NKAIN3: variants seen among roughly 807,000 people sequenced by gnomAD.
The protein encoded by NKAIN3 is sodium/potassium-transporting ATPase subunit beta-1-interacting protein 3.
Under a neutral mutation model 30.2 loss-of-function variants are expected in NKAIN3, and 25 were observed. The ratio of observed to expected loss-of-function variants is 0.83; its 90% confidence interval spans 0.60 to 1.16. NKAIN3 has a LOEUF of 1.16. NKAIN3 is among the 50% of genes most tolerant of loss of function. The pLI, the probability that NKAIN3 is intolerant of heterozygous loss-of-function variation, is 0.00. For synonymous variants in NKAIN3, 91 were observed against 89.6 expected (o/e 1.02, Z -0.09); for missense variants, 225 against 254.1 (o/e 0.89, Z 0.78).
At position 62,326,075 on chromosome 8, in the gene NKAIN3, T is replaced by C. The variant is rs1815113456; in HGVS notation, c.54+76948T>C. On this transcript the variant is annotated intron_variant, in intron 1 of 6. Transcript: ENST00000623646. ...GTTACATTTATTATTAATTTTGCTA[T>C]ATTTATTTTTGTTACATTTATTGAA... Among the ~76,000 whole-genome samples, 4 of 151,972 alleles carry C rather than the reference T, an allele frequency of 2.6e-5. No homozygotes were observed. In the South Asian group the frequency reaches 8.3e-4, roughly 31 times the overall value.
At chr8:62,814,423 T>G (rs1372208825) in intron 4 of NKAIN3, among the ~76,000 whole-genome samples, 3 of 151,980 alleles carry the variant, frequency 2.0e-5, no homozygotes, top group Non-Finnish European at 2.9e-5. Context: ...ATCAACAGAA[T>G]ATACATTTTT....
intron 1 of NKAIN3, among the ~76,000 whole-genome samples, chr8:62,261,293 T>C (rs1812432233): frequency 6.6e-6 from 1 of 152,240 alleles, no homozygotes; most frequent in Admixed American, 6.5e-5. Flanking sequence ...TTAAATCCTT[T>C]GGTTTTAATA....
chr8:62,962,376 A>T (rs1326904800), intron 6 of NKAIN3, among the ~76,000 whole-genome samples: 2 of 152,226 alleles, frequency 1.3e-5, no homozygotes, highest in Non-Finnish European at 2.9e-5. Flanking sequence ...AACCAATTGT[A>T]ATGAGATATT....
At chr8:62,690,948 T>A (rs528437960) in intron 3 of NKAIN3, among the ~76,000 whole-genome samples, 1 of 152,190 alleles carries the variant, frequency 6.6e-6, no homozygotes, top group African/African-American at 2.4e-5. Flanking sequence ...CTTTAGATCC[T>A]GAGCAGAAGC....
chr8:62,564,554 A>G (rs1809687473), intron 1 of NKAIN3, among the ~76,000 whole-genome samples: 2 of 152,192 alleles, frequency 1.3e-5, no homozygotes, highest in African/African-American at 2.4e-5. Flanking sequence ...TGTGAGGCAC[A>G]TTCCACCATA....
Position 62,368,727 on chromosome 8 carries a change from T to G in NKAIN3, c.54+119600T>G, listed in dbSNP as rs60317932. Among the ~76,000 whole-genome samples, 348 of 152,310 alleles carry G rather than the reference T, an allele frequency of 2.3e-3. 3 individuals are homozygous for G. Among genetic ancestry groups the G allele is most frequent in the African/African-American group, 7.4e-3 (307 of 41,572 alleles). ...ATCATCTGTTTGTCCAAACTCAGAC[T>G]GGTATCATACTTGTTATTAATACAT... is the stretch of plus-strand genomic sequence containing the variant. On this transcript the variant is annotated intron_variant, in intron 1 of 6. Coordinates refer to ENST00000623646, the MANE Select transcript of NKAIN3 (RefSeq NM_001304533.3).
intron 3 of NKAIN3, among the ~76,000 whole-genome samples, chr8:62,632,909 T>G (rs1255838766): frequency 6.6e-6 from 1 of 152,148 alleles, no homozygotes; most frequent in Admixed American, 6.5e-5. Context: ...TAAAATATTG[T>G]TTTCTGCCTA....
intron 1 of NKAIN3, among the ~76,000 whole-genome samples, chr8:62,509,989 A>G (rs1807770025): frequency 6.6e-6 from 1 of 152,162 alleles, no homozygotes. Flanking sequence ...TTGACAGATA[A>G]TGGTATGGAT....
At chr8:62,886,206 A>G (rs1414925410) in intron 4 of NKAIN3, among the ~76,000 whole-genome samples, 1 of 152,086 alleles carries the variant, frequency 6.6e-6, no homozygotes, top group Non-Finnish European at 1.5e-5. Context: ...ATACATTCAC[A>G]ACAATTTCAT....
intron 1 of NKAIN3, among the ~76,000 whole-genome samples, chr8:62,543,650 C>T (rs535742915): frequency 3.2e-4 from 48 of 152,252 alleles, no homozygotes; most frequent in African/African-American, 1.1e-3. Context: ...CCAATGCTAA[C>T]CTTTTATCTG....
chr8:62,371,590 A>C (rs552129290), intron 1 of NKAIN3, among the ~76,000 whole-genome samples: 13 of 151,864 alleles, frequency 8.6e-5, no homozygotes, highest in African/African-American at 3.1e-4. Context: ...TGCAAGGTAA[A>C]TTTTTGCCTT....
intron 1 of NKAIN3, among the ~76,000 whole-genome samples, chr8:62,269,060 T>C (rs896741676): frequency 3.3e-4 from 50 of 152,342 alleles, no homozygotes; most frequent in African/African-American, 1.1e-3. Context: ...CTGTCATTGC[T>C]GTTCCAGATG....
intron 4 of NKAIN3, among the ~76,000 whole-genome samples, chr8:62,872,500 C>T (rs889139424): frequency 6.6e-6 from 1 of 152,232 alleles, no homozygotes; most frequent in Non-Finnish European, 1.5e-5. Flanking sequence ...AGTGCAAATG[C>T]AGGAGCATCC....
At chr8:62,630,305 A>G (rs1176769851) in intron 3 of NKAIN3, among the ~76,000 whole-genome samples, 1 of 152,138 alleles carries the variant, frequency 6.6e-6, no homozygotes, top group African/African-American at 2.4e-5. Context: ...AACTATAAAA[A>G]CATATGTAGG....
intron 4 of NKAIN3, among the ~76,000 whole-genome samples, chr8:62,898,359 C>T (rs370998199): frequency 1.2e-4 from 18 of 152,208 alleles, no homozygotes; most frequent in African/African-American, 3.9e-4. Flanking sequence ...TAGGTATATT[C>T]GCACCAGGGA....
intron 1 of NKAIN3, among the ~76,000 whole-genome samples, chr8:62,372,685 T>C (rs965693773): frequency 2.0e-5 from 3 of 152,036 alleles, no homozygotes; most frequent in Non-Finnish European, 4.4e-5. Flanking sequence ...TGTTCTCAAT[T>C]CATTTTTATT....
intron 3 of NKAIN3, among the ~76,000 whole-genome samples, chr8:62,619,576 A>G (rs966330366): frequency 1.3e-5 from 2 of 152,074 alleles, no homozygotes; most frequent in African/African-American, 2.4e-5. Flanking sequence ...GTCTCCCTAA[A>G]ATGTATAAAA....
At chr8:62,988,596 G>A (rs1379561900), downstream of NKAIN3, among the ~76,000 whole-genome samples, 1 of 152,232 alleles carries the variant, frequency 6.6e-6, no homozygotes, top group Admixed American at 6.5e-5. Flanking sequence ...GCCAAGGCTG[G>A]AGCTGCTGGT....
rs116686446 is a variant in NKAIN3, at chr8:62,478,788, G to A, written c.55-100751G>A. ...GTCAGGGTTAGGGGGTTGCTGACCC[G>A]TATTTTTCTAAAACTTCCCACACAA... On this transcript the variant is annotated intron_variant, in intron 1 of 6. Transcript: ENST00000623646. 2.2e-3 allele frequency among the ~76,000 whole-genome samples: 333 copies of A among 152,220 alleles called. 2 individuals carry two copies. The highest frequency in any genetic ancestry group is 7.3e-3 in the African/African-American group (305 of 41,546).
Sources: gnomAD v4.1 joint callset for allele counts (sites outside exome capture counted in the v4.1 genomes callset) on GRCh38, gnomAD v4.1.1 for gene constraint, MANE v1.5 for transcripts, NCBI Gene and HGNC (gene_info 2026-07-23, HGNC 2026-07-21) for gene names.